EFHC2: variants seen among roughly 807,000 people sequenced by gnomAD.
EFHC2 encodes the protein EF-hand domain-containing family member C2.
In EFHC2, 18 loss-of-function variants were observed where a neutral mutation model predicts 52.7. That is an observed-to-expected ratio of 0.34 (90% CI 0.24 to 0.51). The LOEUF (loss-of-function observed/expected upper bound fraction) is 0.51, where lower values mean the gene tolerates loss of function less well. EFHC2 is among the 20% of genes least tolerant of loss of function. The pLI, the probability that EFHC2 is intolerant of heterozygous loss-of-function variation, is 0.97. For missense variants in EFHC2, 513 were observed against 562.5 expected (o/e 0.91, Z 0.89); for synonymous variants, 203 against 204.1 (o/e 0.99, Z 0.04).
At chrX:44,194,850 G>A (rs149372794) in intron 11 of EFHC2, among the ~76,000 whole-genome samples, 127 of 111,073 alleles carry the variant, frequency 1.1e-3, no homozygotes, top group Non-Finnish European at 2.1e-3. Flanking sequence ...GACTCGCAGG[G>A]TCCAATTTGT....
chrX:44,206,068 G>A (rs765621600), intron 11 of EFHC2, among the ~76,000 whole-genome samples: 3 of 111,877 alleles, frequency 2.7e-5, no homozygotes, highest in Admixed American at 1.9e-4. Flanking sequence ...AGTACCAAGA[G>A]GAACTCACAA....
chrX:44,260,062 A>G (rs1569295883), intron 4 of EFHC2, among the ~76,000 whole-genome samples: 1 of 111,786 alleles, frequency 8.9e-6, no homozygotes, highest in Non-Finnish European at 1.9e-5. Flanking sequence ...TTAAAACAAT[A>G]AAAATCAGAC....
intron 2 of EFHC2, among the ~76,000 whole-genome samples, chrX:44,283,701 C>T (rs2037729918): frequency 1.1e-5 from 1 of 93,337 alleles, no homozygotes; most frequent in Non-Finnish European, 2.1e-5. Context: ...TTTTTACATC[C>T]GGGAAGTTGC....
chrX:44,207,114 G>A (rs1393378770), intron 11 of EFHC2, among the ~76,000 whole-genome samples: 1 of 112,084 alleles, frequency 8.9e-6, no homozygotes, highest in Non-Finnish European at 1.9e-5. Flanking sequence ...ATAAACAATA[G>A]AGAAAGGACA....
At chrX:44,304,986 G>A (rs1172475625) in intron 2 of EFHC2, among the ~76,000 whole-genome samples, 1 of 110,898 alleles carries the variant, frequency 9.0e-6, no homozygotes, top group Admixed American at 9.6e-5. Context: ...TGCAAGCCAG[G>A]CGTGGTGGCT....
At chrX:44,305,290 T>A (rs1469135458) in intron 2 of EFHC2, among the ~76,000 whole-genome samples, 1 of 111,103 alleles carries the variant, frequency 9.0e-6, no homozygotes, top group East Asian at 2.8e-4. Context: ...AAAACAAAAT[T>A]AATGCAAAAT....
intron 8 of EFHC2, among the ~76,000 whole-genome samples, chrX:44,237,383 G>A (rs967219534): frequency 4.5e-5 from 5 of 111,503 alleles, no homozygotes; most frequent in Non-Finnish European, 9.4e-5. Flanking sequence ...TATACCTCCT[G>A]CATCAATTGT....
intron 1 of EFHC2, among the ~76,000 whole-genome samples, chrX:44,334,413 C>G (rs183766001): frequency 8.9e-6 from 1 of 112,296 alleles, no homozygotes; most frequent in Non-Finnish European, 1.9e-5. Flanking sequence ...GCATAGTAGA[C>G]AGCAATTGTT....
At chrX:44,228,962 G>A (rs2037254205) in intron 11 of EFHC2, among the ~76,000 whole-genome samples, 2 of 111,926 alleles carry the variant, frequency 1.8e-5, no homozygotes, top group South Asian at 7.4e-4. Flanking sequence ...TTTGTTTTCA[G>A]CCTAAGAAGT....
intron 11 of EFHC2, among the ~76,000 whole-genome samples, chrX:44,222,917 TC>T (rs1232462811): frequency 8.9e-6 from 1 of 111,775 alleles, no homozygotes; most frequent in Admixed American, 9.5e-5. Flanking sequence ...AGAGCTACTC[TC>T]TTAGCAATCC....
At chrX:44,175,046 A>C (rs2036775619) in intron 13 of EFHC2, among the ~76,000 whole-genome samples, 1 of 111,169 alleles carries the variant, frequency 9.0e-6, no homozygotes, top group Non-Finnish European at 1.9e-5. Flanking sequence ...CTTTTGTCTC[A>C]AACAAGGACT....
rs975475974 is a variant in EFHC2 at position 44,325,900 on chromosome X, T to A, written c.43-13144A>T. Among the ~76,000 whole-genome samples, 319 of 106,588 alleles carry A rather than the reference T, an allele frequency of 3.0e-3. 1 individual carries two copies. The highest frequency in any genetic ancestry group is 4.7e-3 in the Middle Eastern group (1 of 215). 92.6% of individuals were successfully genotyped at this position (106,588 alleles called of 115,157 possible). A position where few individuals can be genotyped will look rare whatever the true frequency, so the allele number is the denominator to read the frequency against. ...AAGCACTTTAGAAGCATTAAACTTT[T>A]TTTTTTTTTTGAGACAGGGTCTTGC... On this transcript the variant is annotated intron_variant, in intron 1 of 14. Coordinates refer to ENST00000420999, the MANE Select transcript of EFHC2 (RefSeq NM_025184.4).
intron 3 of EFHC2, among the ~76,000 whole-genome samples, chrX:44,268,618 G>A (rs944039212): frequency 4.5e-5 from 5 of 111,793 alleles, no homozygotes; most frequent in Non-Finnish European, 9.4e-5. Flanking sequence ...AGAACAAAAT[G>A]TTTAGGTGAA....
chrX:44,173,923 T>G, intron 13 of EFHC2, among the ~76,000 whole-genome samples: 1 of 111,832 alleles, frequency 8.9e-6, no homozygotes, highest in Non-Finnish European at 1.9e-5. Context: ...GGACAACTCA[T>G]CCTTAAGACC....
At chrX:44,266,208 A>G (rs2037576080) in intron 3 of EFHC2, among the ~76,000 whole-genome samples, 3 of 111,493 alleles carry the variant, frequency 2.7e-5, no homozygotes, top group South Asian at 7.5e-4. Flanking sequence ...TCTAGTGGAT[A>G]TTGGCTTTTC....
intron 11 of EFHC2, among the ~76,000 whole-genome samples, chrX:44,203,085 G>A (rs1378230099): frequency 9.0e-6 from 1 of 111,633 alleles, no homozygotes; most frequent in East Asian, 2.8e-4. Context: ...AAGTGAATGT[G>A]CACTGAAAGA....
At chrX:44,295,324 C>T (rs142994573) in intron 2 of EFHC2, among the ~76,000 whole-genome samples, 8 of 111,700 alleles carry the variant, frequency 7.2e-5, no homozygotes, top group East Asian at 2.8e-4. Context: ...GGCTGAAAGA[C>T]GGAGTAAGTG....
chrX:44,307,104 C>T (rs1310870913), intron 2 of EFHC2, among the ~76,000 whole-genome samples: 12 of 111,100 alleles, frequency 1.1e-4, no homozygotes, highest in African/African-American at 3.9e-4. Flanking sequence ...CAGCCAAGAG[C>T]AAGTCTCCAG....
At chrX:44,295,058 T>C (rs1440545754) in intron 2 of EFHC2, among the ~76,000 whole-genome samples, 1 of 111,378 alleles carries the variant, frequency 9.0e-6, no homozygotes, top group African/African-American at 3.3e-5. Flanking sequence ...GGAGGTTAAG[T>C]AATCTACACA....
Sources: allele counts gnomAD v4.1 joint callset (sites outside exome capture counted in the v4.1 genomes callset), GRCh38; gene constraint gnomAD v4.1.1; transcripts MANE v1.5; gene names NCBI Gene and HGNC (gene_info 2026-07-23, HGNC 2026-07-21).